Variants in PLXDC2 observed in about 807,000 individuals in gnomAD.
The protein encoded by PLXDC2 is plexin domain containing 2.
PLXDC2 carries 40 observed loss-of-function variants against 68.9 expected under a neutral mutation model. The ratio of observed to expected loss-of-function variants is 0.58; its 90% CI spans 0.45 to 0.76. The LOEUF is 0.76. PLXDC2 is among the 30% of genes least tolerant of loss of function. The pLI is 0.00. For synonymous variants in PLXDC2, 243 were observed against 234.2 expected (o/e 1.04, Z -0.34); for missense variants, 644 against 661.9 (o/e 0.97, Z 0.30).
chr10:20,071,700 G>A (rs1836318518), intron 4 of PLXDC2, among the ~76,000 whole-genome samples: 1 of 152,144 alleles, frequency 6.6e-6, no homozygotes, highest in Non-Finnish European at 1.5e-5. Flanking sequence ...ACTAATACAG[G>A]CATGCTGCGA....
intron 1 of PLXDC2, among the ~76,000 whole-genome samples, chr10:19,977,229 T>C (rs995514363): frequency 6.6e-6 from 1 of 152,210 alleles, no homozygotes; most frequent in South Asian, 2.1e-4. Flanking sequence ...CGGTCTTTTG[T>C]GCTGGGGAGA....
chr10:20,026,368 A>G (rs1196907580), intron 2 of PLXDC2, among the ~76,000 whole-genome samples: 1 of 152,198 alleles, frequency 6.6e-6, no homozygotes, highest in East Asian at 1.9e-4. Context: ...TGGAAAGAGA[A>G]TATTCTCCTT....
intron 3 of PLXDC2, among the ~76,000 whole-genome samples, chr10:20,048,893 T>C (rs1412493979): frequency 6.6e-6 from 1 of 152,142 alleles, no homozygotes; most frequent in Non-Finnish European, 1.5e-5. Context: ...TCCATTTTTT[T>C]CTTATTGTTA....
At chr10:19,972,748 A>G (rs1834376783) in intron 1 of PLXDC2, among the ~76,000 whole-genome samples, 1 of 152,214 alleles carries the variant, frequency 6.6e-6, no homozygotes, top group South Asian at 2.1e-4. Flanking sequence ...GGGAAGAGTT[A>G]TTTTTAAAAA....
chr10:20,179,437 T>C (rs12248801), intron 9 of PLXDC2, among the ~76,000 whole-genome samples: 1 of 152,098 alleles, frequency 6.6e-6, no homozygotes, highest in African/African-American at 2.4e-5. Flanking sequence ...GAAGGAATCA[T>C]GCTAAAATTT....
rs1028343566 is a variant in PLXDC2, at chr10:20,285,631, T to G, written c.*5812T>G. On this transcript the variant is annotated 3_prime_UTR_variant, in exon 14 of 14. Coordinates refer to ENST00000377252, the MANE Select transcript of PLXDC2 (RefSeq NM_032812.9). ...AATTCTCCCTGACCTAAGAATACTT[T>G]CTAGTTCACTGCAGTCTTACTGACC... The G allele has an allele frequency of 1.3e-5, 2 of 152,222 alleles. No individual in the cohort carries two copies. The highest frequency in any genetic ancestry group is 2.9e-5 in the Non-Finnish European group (2 of 68,038). 9.4% of individuals were successfully genotyped at this position (152,222 alleles called of 1,614,324 possible). A position where few individuals can be genotyped will look rare whatever the true frequency, so the allele number is the denominator to read the frequency against.
intron 1 of PLXDC2, among the ~76,000 whole-genome samples, chr10:19,940,624 T>G (rs1482136166): frequency 6.6e-6 from 1 of 151,990 alleles, no homozygotes; most frequent in African/African-American, 2.4e-5. Context: ...AAATCATCAT[T>G]GTCTCCTTGA....
At chr10:19,858,538 G>A (rs957938988) in intron 1 of PLXDC2, among the ~76,000 whole-genome samples, 2 of 152,208 alleles carry the variant, frequency 1.3e-5, no homozygotes, top group Non-Finnish European at 2.9e-5. Flanking sequence ...AGTACCTTCA[G>A]TAGAGTCAGA....
At chr10:20,037,732 A>G (rs1835602665) in intron 2 of PLXDC2, among the ~76,000 whole-genome samples, 1 of 152,202 alleles carries the variant, frequency 6.6e-6, no homozygotes, top group African/African-American at 2.4e-5. Flanking sequence ...GAAAGATCAC[A>G]AGGGTATTGT....
At chr10:20,202,234 G>A (rs1048063897) in intron 9 of PLXDC2, among the ~76,000 whole-genome samples, 7 of 152,050 alleles carry the variant, frequency 4.6e-5, no homozygotes, top group African/African-American at 9.7e-5. Context: ...GCTTCAATAC[G>A]TACACACAGA....
intron 13 of PLXDC2, among the ~76,000 whole-genome samples, chr10:20,260,695 T>G (rs1465624376): frequency 6.6e-6 from 1 of 152,204 alleles, no homozygotes; most frequent in African/African-American, 2.4e-5. Flanking sequence ...GACTTCATTT[T>G]CTATGAATAT....
chr10:20,174,937 C>T (rs1386927907), intron 7 of PLXDC2, among the ~76,000 whole-genome samples: 2 of 152,026 alleles, frequency 1.3e-5, no homozygotes, highest in Admixed American at 6.6e-5. Flanking sequence ...TCATCTGGGC[C>T]ACCACACTCC....
At chr10:20,083,680 CTA>C (rs1564309376) in intron 4 of PLXDC2, among the ~76,000 whole-genome samples, 1 of 152,084 alleles carries the variant, frequency 6.6e-6, no homozygotes, top group African/African-American at 2.4e-5. Context: ...TTCTTCATAA[CTA>C]TTTTATTTCC....
At chr10:20,103,090 A>G (rs1833443742) in intron 4 of PLXDC2, among the ~76,000 whole-genome samples, 1 of 152,198 alleles carries the variant, frequency 6.6e-6, no homozygotes, top group Non-Finnish European at 1.5e-5. Context: ...GAGTCTAAGA[A>G]GGTGCGGACA....
At chr10:20,100,330 T>A (rs187730136) in intron 4 of PLXDC2, among the ~76,000 whole-genome samples, 2 of 152,322 alleles carry the variant, frequency 1.3e-5, no homozygotes, top group Admixed American at 1.3e-4. Context: ...AAATGTGTAA[T>A]TCCATTTTCG....
intron 4 of PLXDC2, among the ~76,000 whole-genome samples, chr10:20,085,378 C>A (rs532685676): frequency 3.3e-5 from 5 of 152,118 alleles, no homozygotes; most frequent in African/African-American, 9.6e-5. Flanking sequence ...CTGTTTCCTG[C>A]TTACAGGGCC....
intron 2 of PLXDC2, among the ~76,000 whole-genome samples, chr10:20,014,419 CTTCCTTCCTTCT>C (rs1564657079): frequency 1.7e-5 from 2 of 115,292 alleles, no homozygotes; most frequent in East Asian, 2.4e-4. Context: ...TCCTTCCTTC[CTTCCTTCCTTCT>C]TTCCTTCCTT....
intron 4 of PLXDC2, among the ~76,000 whole-genome samples, chr10:20,105,956 G>A (rs909594963): frequency 1.3e-5 from 2 of 152,090 alleles, no homozygotes; most frequent in Non-Finnish European, 2.9e-5. Context: ...AATTAGTGTT[G>A]GCCTTGAATA....
At chr10:19,992,916 T>C (rs1834774292) in intron 1 of PLXDC2, among the ~76,000 whole-genome samples, 1 of 152,190 alleles carries the variant, frequency 6.6e-6, no homozygotes, top group Non-Finnish European at 1.5e-5. Context: ...ATCACTAGGC[T>C]TTGTCACAGA....
Sources: gnomAD v4.1 joint callset for allele counts (sites outside exome capture counted in the v4.1 genomes callset) on GRCh38, gnomAD v4.1.1 for gene constraint, MANE v1.5 for transcripts, NCBI Gene and HGNC (gene_info 2026-07-23, HGNC 2026-07-21) for gene names.